Variants in ATF6 observed in about 807,000 individuals in gnomAD.
The protein encoded by ATF6 is activating transcription factor 6.
In ATF6, 53 loss-of-function variants were observed where a neutral mutation model predicts 83.6. The observed-to-expected ratio is 0.63, with a 90% CI of 0.51 to 0.80. The LOEUF (loss-of-function observed/expected upper bound fraction) is 0.80, where lower values mean the gene tolerates loss of function less well. Ranked by LOEUF, ATF6 falls within the 30% of genes least tolerant of loss-of-function variation. The probability of loss-of-function intolerance (pLI) is 0.00; values close to 1 mark genes in which losing one functional copy is unlikely to be tolerated. For synonymous variants in ATF6, 288 were observed against 285.8 expected, an observed-to-expected ratio of 1.01 and a Z score of -0.08; for missense variants, 744 against 797.9, an observed-to-expected ratio of 0.93 and a Z score of 0.81.
chr1:161,896,117 G>A (rs1320487133), intron 14 of ATF6, among the ~76,000 whole-genome samples: 3 of 152,110 alleles, frequency 2.0e-5, no homozygotes, highest in African/African-American at 2.4e-5. Flanking sequence ...TCCATCAATC[G>A]ATAGATAGAT....
chr1:161,821,836 A>AT (rs1325329375), intron 9 of ATF6, among the ~76,000 whole-genome samples: 2 of 152,210 alleles, frequency 1.3e-5, no homozygotes, highest in African/African-American at 4.8e-5. Flanking sequence ...CAGAGAAAGC[A>AT]TTAGAAGACT....
chr1:161,930,373 G>A (rs937856564), intron 15 of ATF6, among the ~76,000 whole-genome samples: 1 of 152,074 alleles, frequency 6.6e-6, no homozygotes, highest in South Asian at 2.1e-4. Flanking sequence ...CTTTATGAGA[G>A]CCATTTTAGT....
At chr1:161,859,345 A>G (rs1191715985) in intron 12 of ATF6, among the ~76,000 whole-genome samples, 1 of 152,178 alleles carries the variant, frequency 6.6e-6, no homozygotes, top group East Asian at 1.9e-4. Context: ...CGCTTATCGC[A>G]TTGTATTGTT....
Position 161,792,274 on chromosome 1 carries a change from T to C in ATF6, c.635T>C (p.Met212Thr), listed in dbSNP as rs778614001. 1 of 1,614,020 alleles carries C rather than the reference T, an allele frequency of 6.2e-7. No individual in the cohort carries two copies. Among genetic ancestry groups the C allele is most frequent in the African/African-American group, 1.3e-5 (1 of 74,938 alleles). ...TIIIQTVPTL[M>T]PLAKQQPIIS... ...ATTATTCAGACAGTACCAACGCTTATGCCATTGGCAAAGCAGCAACCAATT... is the reference window on the plus strand; with the variant it reads ...ATTATTCAGACAGTACCAACGCTTACGCCATTGGCAAAGCAGCAACCAATT... Residue 212 changes from methionine to threonine, a missense_variant, in exon 6 of 16, where the codon ATG (methionine) becomes ACG (threonine). Transcript: ENST00000367942.
Position 161,789,167 on chromosome 1 carries a change from T to G in ATF6, c.355-2241T>G, listed in dbSNP as rs941311756. Reference sequence around the variant, plus strand: ...TTATAAACAATCCAGTTACATACTTTTTGTTATTTTAAAATGTACAACTAA... The same window carrying G: ...TTATAAACAATCCAGTTACATACTTGTTGTTATTTTAAAATGTACAACTAA... On this transcript the variant is annotated intron_variant, in intron 4 of 15. Coordinates refer to ENST00000367942, the MANE Select transcript of ATF6 (RefSeq NM_007348.4). 3.9e-5 allele frequency among the ~76,000 whole-genome samples: 6 copies of G among 152,054 alleles called. No homozygotes were observed. The South Asian group carries it at 1.2e-3, about 32-fold the overall frequency.
chr1:161,776,568 A>G (rs1329299261), intron 1 of ATF6, among the ~76,000 whole-genome samples: 1 of 151,554 alleles, frequency 6.6e-6, no homozygotes, highest in Non-Finnish European at 1.5e-5. Context: ...TTTCTGGTAG[A>G]TTGATTATGG....
chr1:161,818,349 A>G (rs546952920), intron 7 of ATF6, among the ~76,000 whole-genome samples: 2 of 152,352 alleles, frequency 1.3e-5, no homozygotes, highest in African/African-American at 2.4e-5. Flanking sequence ...AATAGGCTTC[A>G]TAACTTAATT....
intron 12 of ATF6, 24 bp from the exon 13 acceptor site, chr1:161,860,183 C>CTT (rs575629390): frequency 9.5e-4 from 1,138 of 1,203,580 alleles, no homozygotes; most frequent in South Asian, 1.2e-3. Context: ...CAGTATTAAA[C>CTT]TTTTTTTTTT....
At chr1:161,851,650 A>G (rs981656767) in intron 10 of ATF6, 72 bp from the exon 11 acceptor site, 9 of 1,004,208 alleles carry the variant, frequency 9.0e-6, no homozygotes, top group Admixed American at 1.9e-5. Context: ...AACACTAATG[A>G]TGATTTTCTT....
At chr1:161,841,106 T>G (rs1427004105) in intron 9 of ATF6, among the ~76,000 whole-genome samples, 1 of 152,204 alleles carries the variant, frequency 6.6e-6, no homozygotes, top group Non-Finnish European at 1.5e-5. Flanking sequence ...GCAAAAGCAC[T>G]CATGGCAAGA....
intron 13 of ATF6, among the ~76,000 whole-genome samples, chr1:161,862,863 TA>T (rs1686913292): frequency 6.6e-6 from 1 of 152,188 alleles, no homozygotes; most frequent in African/African-American, 2.4e-5. Context: ...TTTGTATTAC[TA>T]AAAAAATTAA....
At chr1:161,871,451 C>G (rs1251406075) in intron 14 of ATF6, among the ~76,000 whole-genome samples, 1 of 151,096 alleles carries the variant, frequency 6.6e-6, no homozygotes, top group Non-Finnish European at 1.5e-5. Context: ...CATGAGTTTA[C>G]CTATAAAACA....
At chr1:161,905,902 G>T (rs969582408) in intron 14 of ATF6, among the ~76,000 whole-genome samples, 1 of 151,840 alleles carries the variant, frequency 6.6e-6, no homozygotes, top group East Asian at 1.9e-4. Context: ...CAGCGATCTC[G>T]GCTCACTGCA....
At chr1:161,950,928 A>G (rs1688850871) in intron 15 of ATF6, among the ~76,000 whole-genome samples, 1 of 152,184 alleles carries the variant, frequency 6.6e-6, no homozygotes, top group South Asian at 2.1e-4. Context: ...CTTTTCTATG[A>G]TCTAATGAAG....
chr1:161,801,091 C>T (rs1201162652), intron 6 of ATF6, among the ~76,000 whole-genome samples: 1 of 152,082 alleles, frequency 6.6e-6, no homozygotes, highest in Non-Finnish European at 1.5e-5. Context: ...GTTGTGTCAG[C>T]ACTCAAAAAG....
chr1:161,948,529 A>G (rs1049521309), intron 15 of ATF6, among the ~76,000 whole-genome samples: 7 of 152,196 alleles, frequency 4.6e-5, no homozygotes, highest in African/African-American at 1.7e-4. Flanking sequence ...AAAAAATCCT[A>G]CTGTTGTCCC....
intron 15 of ATF6, among the ~76,000 whole-genome samples, chr1:161,915,581 TTTC>T (rs1418748442): frequency 1.3e-5 from 2 of 152,126 alleles, no homozygotes; most frequent in East Asian, 1.9e-4. Context: ...TTTTATACAG[TTTC>T]TTCTTCTCTA....
chr1:161,937,347 T>TAA (rs35432799), intron 15 of ATF6, among the ~76,000 whole-genome samples: 2,977 of 110,914 alleles, frequency 0.027, 98 homozygotes, highest in Admixed American at 0.063. Flanking sequence ...CCCTCTCAGT[T>TAA]AAAAAAAAAA....
intron 6 of ATF6, among the ~76,000 whole-genome samples, chr1:161,799,284 A>G (rs191156941): frequency 2.0e-5 from 3 of 152,316 alleles, no homozygotes; most frequent in Admixed American, 6.5e-5. Context: ...TTGCAGCAAC[A>G]TGGATGGAGC....
Sources: allele counts gnomAD v4.1 joint callset (sites outside exome capture counted in the v4.1 genomes callset), GRCh38; gene constraint gnomAD v4.1.1; transcripts MANE v1.5; gene names NCBI Gene and HGNC (gene_info 2026-07-23, HGNC 2026-07-21).